The following GIT1 variants were observed in gnomAD, a reference collection of about 807,000 sequenced individuals.
GIT1 encodes the protein GIT ArfGAP 1.
In GIT1, 14 loss-of-function variants were observed where a neutral mutation model predicts 91.7. The observed-to-expected ratio is 0.15, with a 90% confidence interval of 0.10 to 0.24. GIT1 has a LOEUF of 0.24. Ranked by LOEUF, GIT1 falls within the 10% of genes least tolerant of loss-of-function variation. GIT1 has a pLI of 1.00. For synonymous variants in GIT1, 414 were observed against 418.2 expected (o/e 0.99, Z 0.12); for missense variants, 717 against 1,024.9 (o/e 0.70, Z 4.10).
At position 29,589,525 on chromosome 17, in the gene GIT1, G is replaced by T. The variant is rs963711079; in HGVS notation, c.-147C>A. On this transcript the variant is annotated 5_prime_UTR_variant, in exon 1 of 20. Coordinates refer to ENST00000225394, the MANE Select transcript of GIT1 (RefSeq NM_014030.4). This position sits in a 1 kb window ranked among gnomAD's most constrained non-coding sequence, Gnocchi z 5.2. ...GCGCGCCCGGCCAACCGTCCGCCCC[G>T]GGGCTGGCCCGGAACCCGCCGTGCC... 5.3e-6 allele frequency: 1 copy of T among 187,338 alleles called. No homozygotes were observed. The highest frequency in any genetic ancestry group is 9.7e-6 in the Non-Finnish European group (1 of 103,334). 11.6% of individuals were successfully genotyped at this position (187,338 alleles called of 1,614,324 possible).
Position 29,578,280 on chromosome 17 carries a change from C to A in GIT1, c.883+19G>T. ...CCGCTCGGGTCCTCCACGCCAGACA[C>A]TCCTGCTCCCTGACTCACCTGCATC... On this transcript the variant is annotated intron_variant, in intron 9 of 19. Transcript: ENST00000225394. 1.9e-6 allele frequency: 3 copies of A among 1,605,866 alleles called. No homozygotes were observed. Among genetic ancestry groups the A allele is most frequent in the Non-Finnish European group, 2.6e-6 (3 of 1,172,508 alleles).
intron 2 of GIT1, 136 bp downstream of exon 2, chr17:29,583,347 C>T: frequency 2.3e-6 from 2 of 859,984 alleles, no homozygotes; most frequent in Non-Finnish European, 3.6e-6. Context: ...CAGGATTAGC[C>T]TCTGCCCTAG....
intron 1 of GIT1, among the ~76,000 whole-genome samples, chr17:29,587,928 G>A (rs761863618): frequency 1.3e-5 from 2 of 152,274 alleles, no homozygotes; most frequent in Middle Eastern, 3.4e-3. Flanking sequence ...CCCCAGACCT[G>A]CCTGCAGCTC....
At chr17:29,588,903 G>A (rs538592893) in intron 1 of GIT1, among the ~76,000 whole-genome samples, 73 of 152,332 alleles carry the variant, frequency 4.8e-4, no homozygotes, top group African/African-American at 1.7e-3. Context: ...GACCACGCGA[G>A]CAGCAGGTGC....
intron 10 of GIT1, 26 bp downstream of exon 10, chr17:29,577,619 C>T: frequency 6.8e-7 from 1 of 1,465,812 alleles, no homozygotes; most frequent in Non-Finnish European, 9.6e-7. Flanking sequence ...GTAGACCACC[C>T]CAGGCCCCCA....
chr17:29,574,895 A>G lies in GIT1; in HGVS notation c.2093T>C (p.Val698Ala). Residue 698 changes from valine (V) to alanine (A), a missense_variant, in exon 20 of 20, where the codon GTG becomes GCG. By Grantham distance (64) the Val-to-Ala change is moderately conservative. This residue lies in a region of GIT1 where 134 missense variants were observed against 223.8 expected (regional missense o/e 0.60). Coordinates refer to ENST00000225394, the MANE Select transcript of GIT1 (RefSeq NM_014030.4). Reference protein sequence around the residue: ...LFPKRPALEPVRSSLRLLNAS... With the variant: ...LFPKRPALEPARSSLRLLNAS... ...GTTGAGCAGCCGCAGTGAGCTCCGC[A>G]CTGGCTCCAGGGCTGGCCTCTGGAG... is the stretch of plus-strand genomic sequence containing the variant. 1.9e-6 allele frequency: 3 copies of G among 1,570,008 alleles called. No individual in the cohort carries two copies. The highest frequency in any genetic ancestry group is 1.4e-5 in the African/African-American group (1 of 74,046).
At chr17:29,579,070 A>G in intron 7 of GIT1, 1 of 1,277,490 alleles carries the variant, frequency 7.8e-7, no homozygotes, top group Non-Finnish European at 1.1e-6. Flanking sequence ...ACGCCTTTTC[A>G]CATCAGGCCC....
chr17:29,585,342 G>A (rs898249237), intron 1 of GIT1, among the ~76,000 whole-genome samples: 2 of 152,088 alleles, frequency 1.3e-5, no homozygotes, highest in Non-Finnish European at 2.9e-5. Context: ...CCTGTAAGTG[G>A]GGAGCCGCCC....
chr17:29,583,783 T>A, intron 1 of GIT1, 167 bp from the exon 2 acceptor site: 2 of 716,242 alleles, frequency 2.8e-6, no homozygotes, highest in Non-Finnish European at 4.5e-6. Flanking sequence ...CAGTGAGGGA[T>A]CTCCCCAAGA....
chr17:29,583,632 C>A lies in GIT1; in HGVS notation c.53-16G>T. On this transcript the variant is annotated splice_polypyrimidine_tract_variant and intron_variant, in intron 1 of 19. Coordinates refer to ENST00000225394, the MANE Select transcript of GIT1 (RefSeq NM_014030.4). ...CAGCCAGGGTCTGCCAGGGTGAGGGCAAGGGTCAGCCGGAGCCAGATGATG... is the reference window on the plus strand; with the variant it reads ...CAGCCAGGGTCTGCCAGGGTGAGGGAAAGGGTCAGCCGGAGCCAGATGATG... 2 of 1,567,646 alleles carry A rather than the reference C, an allele frequency of 1.3e-6. No individual in the cohort carries two copies. Among genetic ancestry groups the A allele is most frequent in the Non-Finnish European group, 1.7e-6 (2 of 1,158,724 alleles).
chr17:29,577,077 G>A, intron 11 of GIT1, 59 bp downstream of exon 11: 3 of 1,606,444 alleles, frequency 1.9e-6, no homozygotes, highest in South Asian at 1.1e-5. Flanking sequence ...GGAGAGCCAT[G>A]CAGGAAAGAC....
rs971079408 is a variant in GIT1 at position 29,582,232 on chromosome 17, A to G, written c.406-88T>C. The G allele has an allele frequency of 8.0e-6, 8 of 995,000 alleles. No homozygotes were observed. In the African/African-American group the frequency reaches 9.5e-5, roughly 12 times the overall value. 61.6% of individuals were successfully genotyped at this position (995,000 alleles called of 1,614,324 possible). On this transcript the variant is annotated intron_variant, in intron 4 of 19. Transcript: ENST00000225394. ...GCTGCACCCTGGCTGCCCCTGGGAC[A>G]CCTAGCAGCTCCAAGGAGGCCTGCC...
Position 29,574,857 on chromosome 17 carries a change from G to T in GIT1, c.2131C>A (p.Arg711=). 1.9e-6 allele frequency: 3 copies of T among 1,596,016 alleles called. No individual in the cohort carries two copies. The highest frequency in any genetic ancestry group is 1.7e-6 in the Non-Finnish European group (2 of 1,173,840). The change falls in exon 20 of 20, where the codon CGG becomes AGG. Residue 711 remains arginine, a synonymous_variant. Coordinates refer to ENST00000225394, the MANE Select transcript of GIT1 (RefSeq NM_014030.4). ...SLRLLNASAY[R]LQSECRKTVP... The stretch of plus-strand genomic sequence containing the variant: ...GTCTTCCGGCACTCACTCTGCAGCC[G>T]GTAGGCGCTGGCGTTGAGCAGCCGC...
intron 1 of GIT1, among the ~76,000 whole-genome samples, chr17:29,587,194 C>G (rs1036852924): frequency 6.6e-6 from 1 of 152,162 alleles, no homozygotes; most frequent in Admixed American, 6.5e-5. Flanking sequence ...TCATGCCTCT[C>G]TGCCTGAGAT....
chr17:29,585,308 C>T (rs2033557595), intron 1 of GIT1, among the ~76,000 whole-genome samples: 1 of 152,180 alleles, frequency 6.6e-6, no homozygotes, highest in Admixed American at 6.5e-5. Flanking sequence ...AATGATGCAG[C>T]CCAAATTCCT....
intron 1 of GIT1, among the ~76,000 whole-genome samples, chr17:29,587,575 C>G (rs1308188934): frequency 6.6e-6 from 1 of 152,174 alleles, no homozygotes; most frequent in African/African-American, 2.4e-5. Flanking sequence ...AGGCTGTGGT[C>G]GGACATTCAA....
rs767855342 is a variant in GIT1 at position 29,574,699 on chromosome 17, A to G, written c.*3T>C. ...GGTGCAGGTGAGGGTGTGGGGAGAG[A>G]GGTCACTGCTTCTTCTCTCGGGTGG... On this transcript the variant is annotated 3_prime_UTR_variant, in exon 20 of 20. Coordinates refer to ENST00000225394, the MANE Select transcript of GIT1 (RefSeq NM_014030.4). 1.9e-6 allele frequency: 3 copies of G among 1,608,396 alleles called. No individual in the cohort carries two copies. Among genetic ancestry groups the G allele is most frequent in the Non-Finnish European group, 2.6e-6 (3 of 1,175,644 alleles).
intron 4 of GIT1, 42 bp downstream of exon 4, chr17:29,582,656 G>A (rs1378567962): frequency 7.6e-7 from 1 of 1,321,088 alleles, no homozygotes; most frequent in African/African-American, 1.4e-5. Context: ...TGGATGGGAA[G>A]AAGAGGAGGG....
chr17:29,581,294 G>A lies in GIT1; in HGVS notation c.761+44C>T, dbSNP rs1424774363. 1.3e-6 allele frequency: 2 copies of A among 1,506,792 alleles called. No homozygotes were observed. The highest frequency in any genetic ancestry group is 3.3e-5 in the Admixed American group (2 of 59,850). The allele number at this position is 1,506,792 out of a possible 1,614,324, so 93.3% of individuals were successfully genotyped here. On this transcript the variant is annotated intron_variant, in intron 7 of 19. Transcript: ENST00000225394. This position sits in a 1 kb window ranked among gnomAD's most constrained non-coding sequence, Gnocchi z 4.8. Reference sequence around the variant, plus strand: ...AGCTCTGGGGGTCAGCCACCCACATGGCATCCAACAGCCTCTGGAAAGGGG... The same window carrying A: ...AGCTCTGGGGGTCAGCCACCCACATAGCATCCAACAGCCTCTGGAAAGGGG...
Sources: allele counts gnomAD v4.1 joint callset (sites outside exome capture counted in the v4.1 genomes callset), GRCh38; gene constraint gnomAD v4.1.1; regional missense constraint gnomAD v4.1.1; non-coding constraint Gnocchi (gnomAD v3.1); transcripts MANE v1.5; gene names NCBI Gene and HGNC (gene_info 2026-07-23, HGNC 2026-07-21).